The following ZNF804A variants were observed in gnomAD, a reference collection of about 807,000 sequenced individuals.
ZNF804A encodes zinc finger protein 804A.
Under a neutral mutation model 16.5 loss-of-function variants are expected in ZNF804A, and 2 were observed. That is an observed-to-expected ratio of 0.12 (90% CI 0.05 to 0.38). ZNF804A has a LOEUF of 0.38. ZNF804A is among the 10% of genes least tolerant of loss of function. ZNF804A has a pLI of 0.99. For missense variants in ZNF804A, 1,473 were observed against 1,390.7 expected (o/e 1.06, Z -0.94); for synonymous variants, 534 against 489.6 (o/e 1.09, Z -1.20).
rs146105888 is a variant in ZNF804A at position 184,681,807 on chromosome 2, G to A, written c.111+82737G>A. On this transcript the variant is annotated intron_variant, in intron 1 of 3. Transcript: ENST00000302277. ...CCCCATGCTTCCCAACACAAATGCA[G>A]CTGCCCAGATGTGGCTCTGGACCCA... Among the ~76,000 whole-genome samples the A allele has an allele frequency of 2.0e-5, 3 of 152,322 alleles. No individual in the cohort carries two copies. In the East Asian group the frequency reaches 5.8e-4, roughly 29 times the overall value.
intron 1 of ZNF804A, among the ~76,000 whole-genome samples, chr2:184,677,655 G>A (rs1306603238): frequency 6.6e-6 from 1 of 151,852 alleles, no homozygotes; most frequent in African/African-American, 2.4e-5. Flanking sequence ...TATATTTTAA[G>A]TAATAGTTAT....
intron 1 of ZNF804A, among the ~76,000 whole-genome samples, chr2:184,623,433 A>T (rs1378558712): frequency 6.6e-6 from 1 of 152,132 alleles, no homozygotes; most frequent in East Asian, 1.9e-4. Flanking sequence ...AAATTATTGA[A>T]GATTTTTCAA....
At chr2:184,645,813 A>T (rs1295340016) in intron 1 of ZNF804A, among the ~76,000 whole-genome samples, 3 of 152,212 alleles carry the variant, frequency 2.0e-5, no homozygotes, top group Non-Finnish European at 4.4e-5. Context: ...TGTGAAGGAC[A>T]TCCCAGGTCC....
intron 1 of ZNF804A, among the ~76,000 whole-genome samples, chr2:184,654,054 A>T (rs1041538952): frequency 1.3e-5 from 2 of 152,214 alleles, no homozygotes; most frequent in Admixed American, 6.5e-5. Flanking sequence ...CCTGATGGTC[A>T]TCTGACATTC....
At chr2:184,748,631 T>A (rs1013212170) in intron 1 of ZNF804A, among the ~76,000 whole-genome samples, 4 of 151,498 alleles carry the variant, frequency 2.6e-5, no homozygotes, top group African/African-American at 9.7e-5. Flanking sequence ...CTTATTTTAA[T>A]TAGGCCCTAT....
chr2:184,871,849 T>A (rs776832815), intron 2 of ZNF804A, among the ~76,000 whole-genome samples: 1 of 151,990 alleles, frequency 6.6e-6, no homozygotes, highest in Non-Finnish European at 1.5e-5. Context: ...AAGATCTTTA[T>A]CAAGAATTAC....
chr2:184,923,542 T>C (rs573708547), intron 2 of ZNF804A, among the ~76,000 whole-genome samples: 9 of 152,082 alleles, frequency 5.9e-5, no homozygotes, highest in Admixed American at 3.9e-4. Flanking sequence ...TTTATTTCTT[T>C]CTCTTGTCTG....
chr2:184,812,725 GATGA>G (rs915203045), intron 1 of ZNF804A, among the ~76,000 whole-genome samples: 35 of 152,224 alleles, frequency 2.3e-4, no homozygotes, highest in African/African-American at 7.7e-4. Context: ...GCTAAAACAT[GATGA>G]ACAAAAGTAA....
At chr2:184,885,648 G>T (rs574433037) in intron 2 of ZNF804A, among the ~76,000 whole-genome samples, 2 of 152,280 alleles carry the variant, frequency 1.3e-5, no homozygotes, top group African/African-American at 4.8e-5. Flanking sequence ...AGTTCTGTAC[G>T]TTCTGAGGAG....
At chr2:184,894,067 A>G (rs1685027139) in intron 2 of ZNF804A, among the ~76,000 whole-genome samples, 1 of 152,178 alleles carries the variant, frequency 6.6e-6, no homozygotes, top group East Asian at 1.9e-4. Context: ...TCTGTTTGAG[A>G]ACAACAATGC....
intron 1 of ZNF804A, among the ~76,000 whole-genome samples, chr2:184,607,188 T>G (rs1691161651): frequency 6.6e-6 from 1 of 152,202 alleles, no homozygotes. Flanking sequence ...GTTATTCTTA[T>G]CTGTTCAACC....
intron 1 of ZNF804A, among the ~76,000 whole-genome samples, chr2:184,657,069 T>G (rs374290760): frequency 2.6e-5 from 4 of 152,232 alleles, no homozygotes; most frequent in East Asian, 3.8e-4. Context: ...CCTATTTTCT[T>G]TCTTTGTGCA....
chr2:184,695,508 CT>C (rs965053863), intron 1 of ZNF804A, among the ~76,000 whole-genome samples: 3 of 122,508 alleles, frequency 2.4e-5, no homozygotes, highest in Non-Finnish European at 5.2e-5. Flanking sequence ...ACTTTTTAAA[CT>C]TTTTTTAAGA....
chr2:184,774,773 A>G (rs780667384), intron 1 of ZNF804A, among the ~76,000 whole-genome samples: 6 of 151,762 alleles, frequency 4.0e-5, no homozygotes, highest in African/African-American at 1.4e-4. Context: ...TGAGGGAGGA[A>G]AGGGTCAAGT....
chr2:184,700,274 G>A (rs1692898746), intron 1 of ZNF804A, among the ~76,000 whole-genome samples: 1 of 152,018 alleles, frequency 6.6e-6, no homozygotes, highest in Non-Finnish European at 1.5e-5. Flanking sequence ...ATGACTGAAT[G>A]AATAAATTTA....
At chr2:184,857,771 T>C (rs910118720) in intron 1 of ZNF804A, among the ~76,000 whole-genome samples, 1 of 152,196 alleles carries the variant, frequency 6.6e-6, no homozygotes, top group Non-Finnish European at 1.5e-5. Context: ...CTTATCTAAG[T>C]ATAGCTACTT....
At chr2:184,860,672 A>G (rs1056133640) in intron 1 of ZNF804A, among the ~76,000 whole-genome samples, 3 of 152,320 alleles carry the variant, frequency 2.0e-5, no homozygotes, top group East Asian at 3.9e-4. Context: ...GTGGACTTGG[A>G]GGCCCTGTAG....
At chr2:184,713,467 A>C (rs1420045975) in intron 1 of ZNF804A, among the ~76,000 whole-genome samples, 1 of 151,938 alleles carries the variant, frequency 6.6e-6, no homozygotes, top group Non-Finnish European at 1.5e-5. Flanking sequence ...TCTAAAAAAA[A>C]AGTATGTCTT....
At chr2:184,621,783 A>C (rs959974603) in intron 1 of ZNF804A, among the ~76,000 whole-genome samples, 1 of 151,800 alleles carries the variant, frequency 6.6e-6, no homozygotes, top group Non-Finnish European at 1.5e-5. Flanking sequence ...ATAACATTTT[A>C]TAATGTATAG....
Sources: allele counts gnomAD v4.1 joint callset (sites outside exome capture counted in the v4.1 genomes callset), GRCh38; gene constraint gnomAD v4.1.1; transcripts MANE v1.5; gene names NCBI Gene and HGNC (gene_info 2026-07-23, HGNC 2026-07-21).